The following CSMD1 variants were observed in gnomAD, a reference collection of about 807,000 sequenced individuals.
CSMD1 encodes the protein CUB and Sushi multiple domains 1, also known as CUB and sushi domain-containing protein 1.
Under a neutral mutation model 417.5 loss-of-function variants are expected in CSMD1, and 213 were observed. That is an observed-to-expected ratio of 0.51 (90% CI 0.46 to 0.57). The LOEUF is 0.57. Ranked by LOEUF, CSMD1 falls within the 20% of genes least tolerant of loss-of-function variation. CSMD1 has a pLI of 0.00. For synonymous variants in CSMD1, 2,862 were observed against 1,736.8 expected (o/e 1.65, Z -16.11); for missense variants, 6,923 against 4,529.7 (o/e 1.53, Z -15.17).
chr8:4,717,213 G>T (rs141754355), intron 1 of CSMD1, among the ~76,000 whole-genome samples: 35 of 151,346 alleles, frequency 2.3e-4, no homozygotes, highest in African/African-American at 7.8e-4. Flanking sequence ...AGTATTAACA[G>T]GTTCCAAATA....
intron 5 of CSMD1, among the ~76,000 whole-genome samples, chr8:3,868,415 G>T (rs140032955): frequency 9.7e-4 from 147 of 152,152 alleles, no homozygotes; most frequent in African/African-American, 3.4e-3. Flanking sequence ...GTCCACACAA[G>T]GGCAGCTGGG....
intron 3 of CSMD1, among the ~76,000 whole-genome samples, chr8:4,062,876 A>G (rs528755168): frequency 2.0e-5 from 3 of 152,126 alleles, no homozygotes; most frequent in Admixed American, 6.6e-5. Context: ...CCTGTACGTA[A>G]TACTGAAGAG....
chr8:4,249,435 C>T (rs1474868521), intron 3 of CSMD1, among the ~76,000 whole-genome samples: 1 of 152,062 alleles, frequency 6.6e-6, no homozygotes, highest in African/African-American at 2.4e-5. Context: ...AAAAAGGATC[C>T]TATAATCACA....
intron 5 of CSMD1, among the ~76,000 whole-genome samples, chr8:3,755,479 G>C (rs143731065): frequency 5.9e-5 from 9 of 152,142 alleles, no homozygotes; most frequent in African/African-American, 1.9e-4. Context: ...ATCTGTAAGG[G>C]TTTAAGCAAA....
intron 5 of CSMD1, among the ~76,000 whole-genome samples, chr8:3,985,620 C>G (rs950156282): frequency 3.3e-5 from 5 of 152,160 alleles, no homozygotes; most frequent in Non-Finnish European, 7.3e-5. Context: ...CAGGAAGATC[C>G]TTGCACGGCA....
chr8:4,451,093 A>G (rs1286576271), intron 2 of CSMD1, among the ~76,000 whole-genome samples: 1 of 152,214 alleles, frequency 6.6e-6, no homozygotes, highest in Admixed American at 6.5e-5. Flanking sequence ...TGGGAGGCCA[A>G]GGCAGGAGGA....
intron 2 of CSMD1, among the ~76,000 whole-genome samples, chr8:4,637,104 T>G (rs532305068): frequency 7.6e-4 from 116 of 152,270 alleles, no homozygotes; most frequent in Middle Eastern, 3.4e-3. Context: ...CTGTGGAAAC[T>G]TTATTCGCTC....
In CSMD1 at chr8:4,675,232, C is replaced by G. The variant is rs866012241; in HGVS notation, c.86-37674G>C. ...CAATTCTTTTTCCAATACTTATACA[C>G]CATGCAGTATTTAAAACACTTAAAA... On this transcript the variant is annotated intron_variant, in intron 1 of 69. Transcript: ENST00000635120. Among the ~76,000 whole-genome samples, 7 of 152,220 alleles carry G rather than the reference C, an allele frequency of 4.6e-5. No homozygotes were observed. In the South Asian group the frequency reaches 1.0e-3, roughly 23 times the overall value.
intron 54 of CSMD1, among the ~76,000 whole-genome samples, chr8:2,983,424 G>C (rs1175495131): frequency 1.3e-5 from 2 of 152,116 alleles, no homozygotes; most frequent in African/African-American, 4.8e-5. Flanking sequence ...CTGACCTCGT[G>C]ATCCGCCTGC....
chr8:4,533,319 A>C (rs184520897), intron 2 of CSMD1, among the ~76,000 whole-genome samples: 9 of 152,344 alleles, frequency 5.9e-5, no homozygotes, highest in Admixed American at 2.6e-4. Context: ...ACACAAAGCC[A>C]AGGATTATCA....
chr8:4,926,690 T>TC (rs1168345930), intron 1 of CSMD1, among the ~76,000 whole-genome samples: 61 of 152,344 alleles, frequency 4.0e-4, no homozygotes, highest in African/African-American at 1.5e-3. Context: ...TTCTTTTTTT[T>TC]CGGTCAGTTA....
intron 3 of CSMD1, among the ~76,000 whole-genome samples, chr8:4,050,431 T>A (rs983222951): frequency 5.9e-5 from 9 of 152,294 alleles, no homozygotes; most frequent in African/African-American, 1.7e-4. Flanking sequence ...GTTTTTTGCA[T>A]ATATACATAC....
chr8:4,397,328 A>T lies in CSMD1; in HGVS notation c.415+22625T>A, dbSNP rs186180436. Among the ~76,000 whole-genome samples the T allele has an allele frequency of 1.4e-3, 220 of 152,266 alleles. 2 individuals carry two copies. The highest frequency in any genetic ancestry group is 5.1e-3 in the African/African-American group (214 of 41,562). Reference sequence around the variant, plus strand: ...AATTTTAAATGTATAAGCATATTCAACTGAAGATTATCTTTCCATGAAAGA... The same window carrying T: ...AATTTTAAATGTATAAGCATATTCATCTGAAGATTATCTTTCCATGAAAGA... On this transcript the variant is annotated intron_variant, in intron 3 of 69. Coordinates refer to ENST00000635120, the MANE Select transcript of CSMD1 (RefSeq NM_033225.6).
chr8:4,183,450 C>G (rs563407859), intron 3 of CSMD1, among the ~76,000 whole-genome samples: 1 of 152,262 alleles, frequency 6.6e-6, no homozygotes, highest in East Asian at 1.9e-4. Flanking sequence ...TAATTTTTAG[C>G]CCCTCAATGA....
chr8:3,815,231 G>T (rs1026550697), intron 5 of CSMD1, among the ~76,000 whole-genome samples: 1 of 152,160 alleles, frequency 6.6e-6, no homozygotes, highest in Non-Finnish European at 1.5e-5. Flanking sequence ...GGAACATAGA[G>T]TACCCATATG....
intron 3 of CSMD1, among the ~76,000 whole-genome samples, chr8:4,097,953 T>C (rs1370842993): frequency 2.0e-5 from 3 of 152,192 alleles, no homozygotes; most frequent in Admixed American, 1.3e-4. Flanking sequence ...TGTTTGATCA[T>C]GGTATGTTCT....
intron 5 of CSMD1, among the ~76,000 whole-genome samples, chr8:3,778,534 G>A (rs1005531880): frequency 1.3e-5 from 2 of 152,182 alleles, no homozygotes; most frequent in Non-Finnish European, 2.9e-5. Context: ...CTGCCCGTGT[G>A]CCTGTGCACG....
chr8:4,285,386 G>T (rs753716285), intron 3 of CSMD1, among the ~76,000 whole-genome samples: 1 of 152,140 alleles, frequency 6.6e-6, no homozygotes, highest in Non-Finnish European at 1.5e-5. Flanking sequence ...AGAGGGAAAT[G>T]AATTTGTGGC....
At chr8:3,449,976 G>C (rs1815581469) in intron 12 of CSMD1, among the ~76,000 whole-genome samples, 1 of 152,214 alleles carries the variant, frequency 6.6e-6, no homozygotes, top group African/African-American at 2.4e-5. Context: ...GCGTTTTAAA[G>C]TGGAAAAGCC....
Sources: gnomAD v4.1 joint callset for allele counts (sites outside exome capture counted in the v4.1 genomes callset) on GRCh38, gnomAD v4.1.1 for gene constraint, MANE v1.5 for transcripts, NCBI Gene and HGNC (gene_info 2026-07-23, HGNC 2026-07-21) for gene names.